SOHLH1: variants seen among roughly 807,000 people sequenced by gnomAD.
The protein encoded by SOHLH1 is spermatogenesis and oogenesis specific basic helix-loop-helix 1, also known as spermatogenesis- and oogenesis-specific basic helix-loop-helix-containing protein 1.
A neutral mutation model predicts 36.2 loss-of-function variants in SOHLH1; 23 were observed. The observed-to-expected ratio is 0.64, with a 90% confidence interval of 0.46 to 0.90. SOHLH1 has a LOEUF of 0.90. Among genes scored for constraint, SOHLH1 ranks in the 40% least tolerant of loss-of-function variants. SOHLH1 has a pLI of 0.00. For missense variants in SOHLH1, 608 were observed against 517.0 expected (o/e 1.18, Z -1.71); for synonymous variants, 289 against 228.3 (o/e 1.27, Z -2.40).
Position 135,693,579 on chromosome 9 carries a change from C to G in SOHLH1, c.*18G>C. 1.3e-6 allele frequency: 2 copies of G among 1,549,238 alleles called. No individual in the cohort carries two copies. The highest frequency in any genetic ancestry group is 1.7e-6 in the Non-Finnish European group (2 of 1,144,192). ...CAGATCCACCGGCCCCGCCCGCCTCCTCTCCACAGCCTGGCTGCTAGCAGG... is the reference window on the plus strand; with the variant it reads ...CAGATCCACCGGCCCCGCCCGCCTCGTCTCCACAGCCTGGCTGCTAGCAGG... On this transcript the variant is annotated 3_prime_UTR_variant, in exon 8 of 8. Transcript: ENST00000425225.
intron 6 of SOHLH1, 144 bp from the exon 7 acceptor site, chr9:135,694,601 C>G (rs1052917506): frequency 1.6e-6 from 2 of 1,233,574 alleles, no homozygotes; most frequent in Non-Finnish European, 1.1e-6. Context: ...CCCTGCCCAG[C>G]GGGGAGAAAT....
upstream of SOHLH1, among the ~76,000 whole-genome samples, chr9:135,701,901 C>T (rs1835046029): frequency 6.6e-6 from 1 of 152,192 alleles, no homozygotes; most frequent in Admixed American, 6.5e-5. Flanking sequence ...TGAGCCCCCG[C>T]CCACCACGGA....
At chr9:135,699,889 G>A (rs529477587), upstream of SOHLH1, among the ~76,000 whole-genome samples, 2 of 152,222 alleles carry the variant, frequency 1.3e-5, no homozygotes, top group East Asian at 3.9e-4. Context: ...GGGCTGGGCT[G>A]AGTTGTTTAG....
At chr9:135,696,909 AC>A in intron 4 of SOHLH1, 104 bp from the exon 5 acceptor site, 2 of 1,253,822 alleles carry the variant, frequency 1.6e-6, no homozygotes, top group African/African-American at 1.5e-5. Flanking sequence ...TCCCCAGGAC[AC>A]CCCAGGCACC....
At chr9:135,694,668 T>C (rs932322212) in intron 6 of SOHLH1, among the ~76,000 whole-genome samples, 5 of 152,130 alleles carry the variant, frequency 3.3e-5, no homozygotes, top group African/African-American at 1.2e-4. Flanking sequence ...TCCCGATCCG[T>C]CCTGCAGAGC....
chr9:135,693,685 A>G lies in SOHLH1; in HGVS notation c.1076T>C (p.Leu359Pro). The change falls in exon 8 of 8, where the codon CTG becomes CCG. Residue 359 changes from leucine to proline, a missense_variant. By Grantham distance (98) the Leu-to-Pro change is moderately conservative. Coordinates refer to ENST00000425225, the MANE Select transcript of SOHLH1 (RefSeq NM_001101677.2). ...GTCCACATCCAGGCCCCACGGCTCCAGAGGGCTGTCCTGGAGCTCCTGGGA... is the reference window on the plus strand; with the variant it reads ...GTCCACATCCAGGCCCCACGGCTCCGGAGGGCTGTCCTGGAGCTCCTGGGA... ...LGSQELQDSPLEPWGLDVDCA... is the reference protein window; with the variant it reads ...LGSQELQDSPPEPWGLDVDCA... 1 of 1,581,352 alleles carries G rather than the reference A, an allele frequency of 6.3e-7. No individual in the cohort carries two copies. The highest frequency in any genetic ancestry group is 8.6e-7 in the Non-Finnish European group (1 of 1,164,476).
At chr9:135,699,827 T>C (rs926131177), upstream of SOHLH1, among the ~76,000 whole-genome samples, 1 of 151,764 alleles carries the variant, frequency 6.6e-6, no homozygotes, top group African/African-American at 2.4e-5. Flanking sequence ...CCTTGGGCAC[T>C]TTGGAGATGC....
Position 135,693,732 on chromosome 9 carries a change from G to A in SOHLH1, c.1029C>T (p.Phe343=). ...GGGAGCCAAGCTCAGGGTCCCCTAG[G>A]AAGCCTGGCTCTCCAACATCCAGTG... ...SSPLDVGEPG[F]LGDPELGSQE... is the part of the protein sequence containing the mutation. Residue 343 remains phenylalanine, a synonymous_variant, in exon 8 of 8, where the codon TTC becomes TTT. Coordinates refer to ENST00000425225, the MANE Select transcript of SOHLH1 (RefSeq NM_001101677.2). The A allele has an allele frequency of 6.4e-7, 1 of 1,574,736 alleles. No individual in the cohort carries two copies. Among genetic ancestry groups the A allele is most frequent in the Non-Finnish European group, 8.6e-7 (1 of 1,161,054 alleles).
At chr9:135,700,460 G>T (rs1175267519), upstream of SOHLH1, among the ~76,000 whole-genome samples, 1 of 151,988 alleles carries the variant, frequency 6.6e-6, no homozygotes, top group Non-Finnish European at 1.5e-5. Context: ...GGTGAGGCTG[G>T]ACTGTTGGGA....
At chr9:135,699,656 G>T, upstream of SOHLH1, 4 of 650,354 alleles carry the variant, frequency 6.2e-6, no homozygotes, top group Non-Finnish European at 1.1e-5. Flanking sequence ...CACGTGACCC[G>T]CGTTCCTGCA....
At chr9:135,695,022 CA>C in intron 6 of SOHLH1, 27 bp downstream of exon 6, 5 of 1,564,516 alleles carry the variant, frequency 3.2e-6, no homozygotes, top group Non-Finnish European at 4.3e-6. Context: ...CACGCACACA[CA>C]GGCGTGCACA....
At position 135,699,072 on chromosome 9, in the gene SOHLH1, G is replaced by A. The variant is rs912984166; in HGVS notation, c.120C>T (p.Gly40=). 6.2e-7 allele frequency: 1 copy of A among 1,610,660 alleles called. No homozygotes were observed. The highest frequency in any genetic ancestry group is 1.3e-5 in the African/African-American group (1 of 74,876). The change falls in exon 2 of 8, where the codon GGC becomes GGT. Residue 40 remains glycine (G), a synonymous_variant. Transcript: ENST00000425225. Reference sequence around the variant, plus strand: ...CGGCCACCGTAGGGGCCTTGGGCGGGCCCGAGCCCCGGGCCGAGTCCTCGC... The same window carrying A: ...CGGCCACCGTAGGGGCCTTGGGCGGACCCGAGCCCCGGGCCGAGTCCTCGC... The part of the protein sequence containing the change: ...SCCEDSARGS[G]PPKAPTVAEG...
At chr9:135,694,683 C>T (rs2131286068) in intron 6 of SOHLH1, among the ~76,000 whole-genome samples, 1 of 152,320 alleles carries the variant, frequency 6.6e-6, no homozygotes, top group East Asian at 1.9e-4. Flanking sequence ...CAGAGCATCT[C>T]TGCCGGTTTC....
chr9:135,694,544 G>A (rs1355586954), intron 6 of SOHLH1, 87 bp from the exon 7 acceptor site: 4 of 1,546,786 alleles, frequency 2.6e-6, no homozygotes, highest in African/African-American at 1.4e-5. Flanking sequence ...GTCCTGCAAA[G>A]GCAGCTTCGA....
chr9:135,699,321 G>A (rs1156695567), intron 1 of SOHLH1, 82 bp downstream of exon 1: 2 of 1,523,204 alleles, frequency 1.3e-6, no homozygotes, highest in Middle Eastern at 3.4e-4. Flanking sequence ...CCCAGGATGG[G>A]TGGAGCCCAG....
intron 6 of SOHLH1, among the ~76,000 whole-genome samples, 198 bp from the exon 7 acceptor site, chr9:135,694,655 G>A (rs908685720): frequency 2.6e-5 from 4 of 152,092 alleles, no homozygotes; most frequent in East Asian, 1.9e-4. Context: ...CGGCTCTCGC[G>A]GGTCCCGATC....
upstream of SOHLH1, among the ~76,000 whole-genome samples, chr9:135,701,596 C>T (rs368621625): frequency 6.6e-6 from 1 of 152,218 alleles, no homozygotes; most frequent in Non-Finnish European, 1.5e-5. Flanking sequence ...CCCCACCCGT[C>T]TAAAGGTGCT....
chr9:135,699,264 C>G, intron 1 of SOHLH1, 138 bp from the exon 2 acceptor site: 1 of 1,498,820 alleles, frequency 6.7e-7, no homozygotes, highest in Non-Finnish European at 9.1e-7. Flanking sequence ...CCGGCCCTCT[C>G]TGCACCCCTT....
In SOHLH1 at chr9:135,695,135, G is replaced by C. The variant is rs527684978; in HGVS notation, c.790C>G (p.Leu264Val). ...PVMSGEALGW[L>V]GQAGPLAMGA... Reference sequence around the variant, plus strand: ...ATGGCCAGGGGCCCAGCCTGGCCCAGCCAGCCAAGGGCCTCCCCGCTCATC... The same window carrying C: ...ATGGCCAGGGGCCCAGCCTGGCCCACCCAGCCAAGGGCCTCCCCGCTCATC... The change falls in exon 6 of 8, where the codon CTG becomes GTG. Residue 264 changes from leucine to valine, a missense_variant. Transcript: ENST00000425225. 8.1e-6 allele frequency: 13 copies of C among 1,598,302 alleles called. No individual in the cohort carries two copies. In the Admixed American group the frequency reaches 1.7e-4, roughly 21 times the overall value.
Sources: allele counts gnomAD v4.1 joint callset (sites outside exome capture counted in the v4.1 genomes callset), GRCh38; gene constraint gnomAD v4.1.1; transcripts MANE v1.5; gene names NCBI Gene and HGNC (gene_info 2026-07-23, HGNC 2026-07-21).